The following NRG3 variants were observed in gnomAD, a reference collection of about 807,000 sequenced individuals.
NRG3 encodes the protein neuregulin 3.
A neutral mutation model predicts 66.9 loss-of-function variants in NRG3; 31 were observed. The ratio of observed to expected loss-of-function variants is 0.46; its 90% CI spans 0.35 to 0.63. The LOEUF (loss-of-function observed/expected upper bound fraction) is 0.63. NRG3 is among the 20% of genes least tolerant of loss of function. The pLI is 0.00. For missense variants in NRG3, 910 were observed against 878.9 expected, an observed-to-expected ratio of 1.04 and a Z score of -0.45; for synonymous variants, 393 against 359.4, an observed-to-expected ratio of 1.09 and a Z score of -1.06.
intron 2 of NRG3, among the ~76,000 whole-genome samples, chr10:82,633,901 A>G (rs1035389841): frequency 2.0e-5 from 3 of 152,198 alleles, no homozygotes; most frequent in African/African-American, 4.8e-5. Flanking sequence ...TGTGTCCTTA[A>G]CAGCGAAAAG....
chr10:82,921,983 TG>T (rs1414187421), intron 4 of NRG3, among the ~76,000 whole-genome samples: 19 of 152,278 alleles, frequency 1.2e-4, no homozygotes, highest in African/African-American at 4.6e-4. Context: ...TAAAGTATTT[TG>T]TAAACTATAT....
At chr10:82,637,410 G>C (rs10736212) in intron 2 of NRG3, among the ~76,000 whole-genome samples, 95,042 of 151,918 alleles carry the variant, frequency 0.63, 29,780 homozygotes, top group Middle Eastern at 0.71. Flanking sequence ...GTCTCACCTT[G>C]TCACAAAATA....
chr10:82,244,296 C>A (rs1357789066), intron 1 of NRG3, among the ~76,000 whole-genome samples: 2 of 152,044 alleles, frequency 1.3e-5, no homozygotes, highest in Non-Finnish European at 2.9e-5. Flanking sequence ...CCTTAATCTA[C>A]CAGTTAAATT....
intron 2 of NRG3, among the ~76,000 whole-genome samples, chr10:82,511,139 CTG>C (rs999285497): frequency 6.6e-6 from 1 of 152,106 alleles, no homozygotes; most frequent in African/African-American, 2.4e-5. Context: ...TGGCCTATAA[CTG>C]TGGACACAAG....
chr10:82,010,560 G>A (rs1424224098), intron 1 of NRG3, among the ~76,000 whole-genome samples: 1 of 152,138 alleles, frequency 6.6e-6, no homozygotes, highest in Non-Finnish European at 1.5e-5. Flanking sequence ...TGTACTTCCA[G>A]TGTTCAAGTC....
At chr10:82,460,039 G>A (rs2091440741) in intron 2 of NRG3, among the ~76,000 whole-genome samples, 1 of 152,104 alleles carries the variant, frequency 6.6e-6, no homozygotes, top group Non-Finnish European at 1.5e-5. Context: ...CTCCCTAACT[G>A]GAGTGAGGAT....
intron 2 of NRG3, among the ~76,000 whole-genome samples, chr10:82,541,860 C>T (rs2043564484): frequency 1.3e-5 from 2 of 152,116 alleles, no homozygotes; most frequent in Non-Finnish European, 2.9e-5. Flanking sequence ...GTTCTAAATA[C>T]CTGGTTCTTG....
chr10:82,638,862 G>T (rs928260488), intron 2 of NRG3, among the ~76,000 whole-genome samples: 56 of 152,158 alleles, frequency 3.7e-4, no homozygotes, highest in African/African-American at 1.3e-3. Flanking sequence ...GGCCAGGATG[G>T]TCTCAATCTC....
chr10:81,950,489 C>A (rs1295620427), intron 1 of NRG3, among the ~76,000 whole-genome samples: 1 of 152,190 alleles, frequency 6.6e-6, no homozygotes, highest in East Asian at 1.9e-4. Context: ...TTCCTGTGAA[C>A]TCACCCTGTG....
chr10:82,720,864 A>ACT (rs2057274227), intron 2 of NRG3, among the ~76,000 whole-genome samples: 1 of 102,184 alleles, frequency 9.8e-6, no homozygotes, highest in Admixed American at 9.2e-5. Flanking sequence ...TGATTAACTG[A>ACT]ATCTCTCTCT....
intron 1 of NRG3, among the ~76,000 whole-genome samples, chr10:82,354,793 C>G (rs1220781706): frequency 2.6e-5 from 4 of 152,130 alleles, no homozygotes; most frequent in African/African-American, 7.2e-5. Context: ...TCAGTGGAAG[C>G]AAGCTCATGG....
chr10:82,137,617 T>C (rs755166625), intron 1 of NRG3, among the ~76,000 whole-genome samples: 1 of 152,190 alleles, frequency 6.6e-6, no homozygotes, highest in African/African-American at 2.4e-5. Flanking sequence ...ACTAATTGAT[T>C]CAAGAAAACG....
chr10:82,884,441 TG>T (rs1303226390), intron 4 of NRG3, among the ~76,000 whole-genome samples: 1 of 152,190 alleles, frequency 6.6e-6, no homozygotes, highest in Non-Finnish European at 1.5e-5. Context: ...AAAAGAAATG[TG>T]GAAAATATTT....
chr10:82,771,426 A>G (rs1205730176), intron 3 of NRG3, among the ~76,000 whole-genome samples: 1 of 152,126 alleles, frequency 6.6e-6, no homozygotes, highest in Non-Finnish European at 1.5e-5. Context: ...ATAGTTGCTG[A>G]CAAGGGTTCC....
chr10:82,241,827 C>T (rs1404975829), intron 1 of NRG3, among the ~76,000 whole-genome samples: 1 of 152,078 alleles, frequency 6.6e-6, no homozygotes, highest in African/African-American at 2.4e-5. Context: ...TTGCAATATA[C>T]ATATTTGTCA....
At chr10:82,784,203 G>C (rs944902389) in intron 3 of NRG3, among the ~76,000 whole-genome samples, 1 of 151,944 alleles carries the variant, frequency 6.6e-6, no homozygotes, top group Non-Finnish European at 1.5e-5. Flanking sequence ...ATACAAAAAT[G>C]AATTCAAGAT....
chr10:82,360,488 C>G (rs2084060372), intron 2 of NRG3, among the ~76,000 whole-genome samples: 1 of 152,094 alleles, frequency 6.6e-6, no homozygotes, highest in Non-Finnish European at 1.5e-5. Context: ...GGTGTTTTAC[C>G]AAGAGGAGGA....
At chr10:82,867,515 A>G (rs1265166679) in intron 4 of NRG3, among the ~76,000 whole-genome samples, 1 of 152,234 alleles carries the variant, frequency 6.6e-6, no homozygotes, top group Non-Finnish European at 1.5e-5. Flanking sequence ...TTAAAGGAAC[A>G]GGATTTTTCA....
intron 2 of NRG3, among the ~76,000 whole-genome samples, chr10:82,523,627 T>C (rs1426580158): frequency 6.6e-6 from 1 of 152,158 alleles, no homozygotes; most frequent in Non-Finnish European, 1.5e-5. Context: ...ATGTACAAGT[T>C]ACCTCTCAGA....
Sources: gnomAD v4.1 joint callset for allele counts (sites outside exome capture counted in the v4.1 genomes callset) on GRCh38, gnomAD v4.1.1 for gene constraint, MANE v1.5 for transcripts, NCBI Gene and HGNC (gene_info 2026-07-23, HGNC 2026-07-21) for gene names.